The following TRPV1 variants were observed in gnomAD, a reference collection of about 807,000 sequenced individuals.
TRPV1 encodes the protein OTRPC1.
In TRPV1, 82 loss-of-function variants were observed where a neutral mutation model predicts 82.3. The ratio of observed to expected loss-of-function variants is 1.00; its 90% CI spans 0.83 to 1.20. TRPV1 has a LOEUF of 1.20. Among genes scored for constraint, TRPV1 ranks in the 50% most tolerant of loss-of-function variants. The pLI is 0.00. For synonymous variants in TRPV1, 515 were observed against 467.7 expected, an observed-to-expected ratio of 1.10 and a Z score of -1.30; for missense variants, 1,067 against 1,096.8, an observed-to-expected ratio of 0.97 and a Z score of 0.38.
At chr17:3,593,682 G>A (rs2075189386) in intron 2 of TRPV1, among the ~76,000 whole-genome samples, 1 of 152,136 alleles carries the variant, frequency 6.6e-6, no homozygotes, top group Admixed American at 6.5e-5. Context: ...GCTCCCCGCT[G>A]TCCTCCACAC....
intron 16 of TRPV1, among the ~76,000 whole-genome samples, chr17:3,569,690 T>A (rs1040425856): frequency 6.6e-6 from 1 of 152,106 alleles, no homozygotes. Flanking sequence ...CCAGAAGTCT[T>A]TGGGGCAGAT....
rs376168713 is a variant in TRPV1 at position 3,577,751 on chromosome 17, T to G, written c.1560A>C (p.Ser520=). ...GCACCACGGTGGCCAGCATGAACAGTGACTGCAGAAAGCTGCGGGTGGAGG... is the reference window on the plus strand; with the variant it reads ...GCACCACGGTGGCCAGCATGAACAGGGACTGCAGAAAGCTGCGGGTGGAGG... ...SYSEMLFFLQ[S]LFMLATVVLY... Residue 520 remains serine, a synonymous_variant, in exon 12 of 17, where the codon TCA becomes TCC. Coordinates refer to ENST00000572705, the MANE Select transcript of TRPV1 (RefSeq NM_080704.4). 4.4e-6 allele frequency: 7 copies of G among 1,592,198 alleles called. No homozygotes were observed. The African/African-American group carries it at 8.1e-5, about 18-fold the overall frequency.
At chr17:3,582,185 A>C (rs907748550) in intron 10 of TRPV1, among the ~76,000 whole-genome samples, 6 of 104,578 alleles carry the variant, frequency 5.7e-5, no homozygotes, top group East Asian at 4.6e-4. Flanking sequence ...GTGAGACTCC[A>C]TCTCAAAAAA....
Position 3,582,901 on chromosome 17 carries a change from C to CGT in TRPV1, c.1476+435_1476+436dup, listed in dbSNP as rs201963594. ...GGCGGAGGTTGCAGTGAGCCGAGATCGTGCCACTAGCCTCCAGCCTAGATG... is the reference window on the plus strand; with the variant it reads ...GGCGGAGGTTGCAGTGAGCCGAGATCGTGTGCCACTAGCCTCCAGCCTAGATG... On this transcript the variant is annotated intron_variant, in intron 10 of 16. Transcript: ENST00000572705. Among the ~76,000 whole-genome samples the CGT allele has an allele frequency of 5.0e-3, 753 of 149,714 alleles. 12 individuals carry two copies. In the East Asian group the frequency reaches 0.06, roughly 12 times the overall value.
chr17:3,586,133 T>C (rs1338154646), intron 8 of TRPV1, among the ~76,000 whole-genome samples: 2 of 152,234 alleles, frequency 1.3e-5, no homozygotes, highest in Non-Finnish European at 2.9e-5. Context: ...CCTGCCCTCT[T>C]GGCCTCAGTG....
At chr17:3,572,349 C>T in intron 14 of TRPV1, 100 bp from the exon 15 acceptor site, 1 of 1,426,900 alleles carries the variant, frequency 7.0e-7, no homozygotes, top group Middle Eastern at 2.3e-4. Context: ...CTCTCCCAGG[C>T]CTAGATGCCT....
chr17:3,608,032 T>C (rs1176188315), intron 2 of TRPV1, among the ~76,000 whole-genome samples: 3 of 151,822 alleles, frequency 2.0e-5, no homozygotes, highest in Non-Finnish European at 4.4e-5. Context: ...CTGGCCAACA[T>C]GATGAAACTC....
chr17:3,583,663 C>T (rs908762370), intron 9 of TRPV1, among the ~76,000 whole-genome samples: 1 of 152,218 alleles, frequency 6.6e-6, no homozygotes, highest in Non-Finnish European at 1.5e-5. Flanking sequence ...CAATGCTGTG[C>T]CGCCTCCCAA....
intron 11 of TRPV1, 131 bp from the exon 12 acceptor site, chr17:3,577,894 G>T: frequency 1.2e-6 from 1 of 803,450 alleles, no homozygotes; most frequent in Non-Finnish European, 1.9e-6. Context: ...GGGCTGTCCT[G>T]ACTCTTTCAG....
chr17:3,584,936 G>C (rs566289565), intron 9 of TRPV1, among the ~76,000 whole-genome samples: 1 of 152,234 alleles, frequency 6.6e-6, no homozygotes, highest in African/African-American at 2.4e-5. Context: ...AGAGGAAAAA[G>C]GCTGGTCTTA....
rs375344371 is a variant in TRPV1, at chr17:3,581,987, G to C, written c.1476+1351C>G. On this transcript the variant is annotated intron_variant, in intron 10 of 16. Coordinates refer to ENST00000572705, the MANE Select transcript of TRPV1 (RefSeq NM_080704.4). ...GGGCGGATCACGAGGTCAGGAGATCGAGACCATCCTGGCTAACACGGTGAA... is the reference window on the plus strand; with the variant it reads ...GGGCGGATCACGAGGTCAGGAGATCCAGACCATCCTGGCTAACACGGTGAA... Among the ~76,000 whole-genome samples the C allele has an allele frequency of 7.0e-5, 10 of 143,878 alleles. No homozygotes were observed. The East Asian group carries it at 1.0e-3, about 15-fold the overall frequency. 94.4% of individuals were successfully genotyped at this position (143,878 alleles called of 152,430 possible).
rs1301861657 is a variant in TRPV1 at position 3,588,830 on chromosome 17, A to C, written c.1045-463T>G. The C allele has an allele frequency of 5.3e-6, 7 of 1,332,042 alleles. No homozygotes were observed. In the African/African-American group the frequency reaches 6.2e-5, roughly 12 times the overall value. 82.5% of individuals were successfully genotyped at this position (1,332,042 alleles called of 1,614,324 possible). On this transcript the variant is annotated intron_variant, in intron 7 of 16. Coordinates refer to ENST00000572705, the MANE Select transcript of TRPV1 (RefSeq NM_080704.4). ...ACCTCATCTAAAAAAAAAAAAAAAAACAAAACACACAAACGTCAACCAGCC... is the reference window on the plus strand; with the variant it reads ...ACCTCATCTAAAAAAAAAAAAAAAACCAAAACACACAAACGTCAACCAGCC...
Position 3,573,735 on chromosome 17 carries a change from A to G in TRPV1, c.2001T>C (p.Tyr667=), listed in dbSNP as rs780177537. 8.7e-6 allele frequency: 14 copies of G among 1,613,910 alleles called. No homozygotes were observed. Among genetic ancestry groups the G allele is most frequent in the South Asian group, 1.1e-5 (1 of 91,078 alleles). ...KAVFIILLLA[Y]VILTYILLLN... ...GCAGGAGGATGTAGGTGAGAATTAC[A>G]TAGGCCAGCAGCAGGATGATGAAGA... Residue 667 remains tyrosine, a synonymous_variant, in exon 14 of 17, where the codon TAT becomes TAC. Coordinates refer to ENST00000572705, the MANE Select transcript of TRPV1 (RefSeq NM_080704.4).
At chr17:3,607,746 A>G (rs775553420) in intron 2 of TRPV1, among the ~76,000 whole-genome samples, 1 of 151,928 alleles carries the variant, frequency 6.6e-6, no homozygotes, top group African/African-American at 2.4e-5. Context: ...CACGTTGGCC[A>G]GGTTGGTTTC....
intron 2 of TRPV1, among the ~76,000 whole-genome samples, chr17:3,599,450 C>T (rs2075245822): frequency 6.6e-6 from 1 of 152,172 alleles, no homozygotes; most frequent in African/African-American, 2.4e-5. Flanking sequence ...CCGACCCCAA[C>T]CCCCTAACGA....
At chr17:3,583,531 G>A in intron 9 of TRPV1, 101 bp from the exon 10 acceptor site, 1 of 972,912 alleles carries the variant, frequency 1.0e-6, no homozygotes, top group Non-Finnish European at 1.6e-6. Flanking sequence ...AGGAGGCACA[G>A]CCTCCATCAG....
intron 2 of TRPV1, among the ~76,000 whole-genome samples, chr17:3,607,875 T>C (rs543389742): frequency 2.0e-4 from 31 of 152,250 alleles, no homozygotes; most frequent in African/African-American, 7.2e-4. Flanking sequence ...TAATAAAAGT[T>C]ATCACACACT....
At chr17:3,579,569 G>A (rs937812498) in intron 11 of TRPV1, among the ~76,000 whole-genome samples, 78 of 152,238 alleles carry the variant, frequency 5.1e-4, no homozygotes, top group African/African-American at 1.7e-3. Context: ...TCTGTCTCCC[G>A]GGTACAAACA....
At chr17:3,576,653 G>GAAAAAAAAAAAAAAAA (rs35781190) in intron 13 of TRPV1, among the ~76,000 whole-genome samples, 1 of 41,502 alleles carries the variant, frequency 2.4e-5, no homozygotes, top group Non-Finnish European at 4.6e-5. Flanking sequence ...CTCTGTATGA[G>GAAAAAAAAAAAAAAAA]AAAAAAAAAA....
Sources: gnomAD v4.1 joint callset for allele counts (sites outside exome capture counted in the v4.1 genomes callset) on GRCh38, gnomAD v4.1.1 for gene constraint, MANE v1.5 for transcripts, NCBI Gene and HGNC (gene_info 2026-07-23, HGNC 2026-07-21) for gene names.